XRN2: variants seen among roughly 807,000 people sequenced by gnomAD.
XRN2 encodes the protein 5'-3' exoribonuclease 2, also known as DHM1-like protein.
A neutral mutation model predicts 138.5 loss-of-function variants in XRN2; 44 were observed. The ratio of observed to expected loss-of-function variants is 0.32; its 90% confidence interval spans 0.25 to 0.41. XRN2 has a LOEUF of 0.41. Among genes scored for constraint, XRN2 ranks in the 10% least tolerant of loss-of-function variants. The pLI is 1.00. For synonymous variants in XRN2, 354 were observed against 369.4 expected (o/e 0.96, Z 0.48); for missense variants, 937 against 1,169.3 (o/e 0.80, Z 2.90).
intron 1 of XRN2, among the ~76,000 whole-genome samples, chr20:21,313,674 T>A (rs1375293025): frequency 6.6e-6 from 1 of 152,234 alleles, no homozygotes; most frequent in East Asian, 1.9e-4. Flanking sequence ...TGTTTTTGAG[T>A]CTAACTCTTG....
In XRN2 at chr20:21,386,903, G is replaced by A. The variant is rs771948880; in HGVS notation, c.2684G>A (p.Arg895Gln). ...GCTGAACCTCTGCTCCCATGGAACC[G>A]GATGCTGCAAACCCAGAATGCAGCC... is the stretch of plus-strand genomic sequence containing the variant. The part of the protein sequence containing the change: ...VGAEPLLPWN[R>Q]MLQTQNAAFQ... The change falls in exon 29 of 30, where the codon CGG (arginine) becomes CAG (glutamine). Residue 895 changes from arginine (R) to glutamine (Q), a missense_variant. Coordinates refer to ENST00000377191, the MANE Select transcript of XRN2 (RefSeq NM_012255.5). 10 of 1,613,774 alleles carry A rather than the reference G, an allele frequency of 6.2e-6. No homozygotes were observed. The Admixed American group carries it at 1.2e-4, about 19-fold the overall frequency.
chr20:21,311,594 C>A (rs1355899852), intron 1 of XRN2, among the ~76,000 whole-genome samples: 1 of 152,168 alleles, frequency 6.6e-6, no homozygotes, highest in Non-Finnish European at 1.5e-5. Context: ...TGAGTGGAAT[C>A]ATTGGATCAT....
intron 15 of XRN2, among the ~76,000 whole-genome samples, chr20:21,341,203 G>A (rs183304236): frequency 1.7e-4 from 26 of 152,302 alleles, no homozygotes; most frequent in Middle Eastern, 3.4e-3. Flanking sequence ...AAAGAATAGG[G>A]TGGTGAATGG....
intron 24 of XRN2, among the ~76,000 whole-genome samples, chr20:21,359,186 G>A (rs1450100844): frequency 6.6e-6 from 1 of 152,118 alleles, no homozygotes; most frequent in Non-Finnish European, 1.5e-5. Context: ...TTGTTTCTGA[G>A]CCTAAAGGGG....
intron 9 of XRN2, among the ~76,000 whole-genome samples, chr20:21,332,671 T>C (rs1041923361): frequency 5.9e-5 from 9 of 152,200 alleles, no homozygotes; most frequent in African/African-American, 2.2e-4. Flanking sequence ...TTTTTCTTTT[T>C]TTTTTCTTTT....
In XRN2 at chr20:21,340,033, TAGTC is replaced by T. The variant is rs371503367; in HGVS notation, c.1279-685_1279-682del. Among the ~76,000 whole-genome samples the T allele has an allele frequency of 2.6e-4, 40 of 152,332 alleles. No individual in the cohort carries two copies. In the East Asian group the frequency reaches 6.9e-3, roughly 26 times the overall value. ...TATATTATTATTTTTGTCAGTATCT[TAGTC>T]AGCCAAGACTATCACCTATGTTAGC... On this transcript the variant is annotated intron_variant, in intron 14 of 29. Coordinates refer to ENST00000377191, the MANE Select transcript of XRN2 (RefSeq NM_012255.5).
At chr20:21,328,538 G>T (rs1344593052) in intron 3 of XRN2, 21 bp from the exon 4 acceptor site, 3 of 1,603,002 alleles carry the variant, frequency 1.9e-6, no homozygotes, top group Non-Finnish European at 2.6e-6. Flanking sequence ...GAGTGTTATG[G>T]AATATGAAAT....
chr20:21,330,361 G>C, intron 4 of XRN2, 120 bp from the exon 5 acceptor site: 5 of 861,494 alleles, frequency 5.8e-6, no homozygotes, highest in Non-Finnish European at 8.7e-6. Flanking sequence ...ATTTTTCCTC[G>C]GATGACGAGA....
intron 27 of XRN2, among the ~76,000 whole-genome samples, chr20:21,375,437 A>G (rs1216042383): frequency 6.6e-6 from 1 of 152,028 alleles, no homozygotes; most frequent in Non-Finnish European, 1.5e-5. Flanking sequence ...TATGCACTTC[A>G]GTGTTACAGA....
At chr20:21,382,112 G>T (rs1391080379) in intron 28 of XRN2, 55 bp downstream of exon 28, 15 of 1,461,954 alleles carry the variant, frequency 1.0e-5, no homozygotes, top group South Asian at 1.3e-5. Context: ...AACATTTGGG[G>T]TTTATGGTTT....
intron 23 of XRN2, 126 bp downstream of exon 23, chr20:21,356,791 C>T (rs1203024018): frequency 1.2e-6 from 1 of 847,208 alleles, no homozygotes; most frequent in East Asian, 2.8e-5. Context: ...AAGACAAAAC[C>T]TTGCTGACTG....
intron 19 of XRN2, among the ~76,000 whole-genome samples, chr20:21,348,669 G>A (rs1029503788): frequency 3.9e-5 from 6 of 152,138 alleles, no homozygotes; most frequent in African/African-American, 7.2e-5. Flanking sequence ...TTTGTAAGAC[G>A]GAGTCTTGCA....
chr20:21,311,843 A>G (rs755060517), intron 1 of XRN2, among the ~76,000 whole-genome samples: 3 of 152,058 alleles, frequency 2.0e-5, no homozygotes, highest in Non-Finnish European at 4.4e-5. Flanking sequence ...TAACAAAAAA[A>G]AATTAGCTGG....
intron 20 of XRN2, among the ~76,000 whole-genome samples, chr20:21,353,246 ATATATATATATATATATATC>A (rs1212381282): frequency 1.8e-4 from 3 of 16,334 alleles, no homozygotes; most frequent in Non-Finnish European, 3.2e-4. Flanking sequence ...ATATATATAT[ATATATATATATATATATATC>A]TCTTAAATGT....
intron 27 of XRN2, among the ~76,000 whole-genome samples, chr20:21,374,711 G>C (rs1197327485): frequency 6.6e-6 from 1 of 151,984 alleles, no homozygotes; most frequent in African/African-American, 2.4e-5. Context: ...TCAGTGTATG[G>C]TGGGATTTTT....
intron 24 of XRN2, among the ~76,000 whole-genome samples, chr20:21,363,220 C>T (rs1203350263): frequency 6.6e-6 from 1 of 152,178 alleles, no homozygotes; most frequent in Non-Finnish European, 1.5e-5. Flanking sequence ...TTTCCACTTT[C>T]TTCCTTATTT....
At chr20:21,318,270 G>C (rs2037987496) in intron 1 of XRN2, among the ~76,000 whole-genome samples, 1 of 152,004 alleles carries the variant, frequency 6.6e-6, no homozygotes, top group South Asian at 2.1e-4. Context: ...GTAATGTCCT[G>C]TCTCTCGTCT....
chr20:21,321,708 T>G (rs2038049117), intron 1 of XRN2, among the ~76,000 whole-genome samples: 1 of 152,220 alleles, frequency 6.6e-6, no homozygotes, highest in Non-Finnish European at 1.5e-5. Flanking sequence ...TCTAAAATTT[T>G]TACAGGTTTT....
intron 1 of XRN2, among the ~76,000 whole-genome samples, chr20:21,320,279 G>GTATTTATTTATGTATGTATT (rs1555783270): frequency 1.1e-5 from 1 of 88,626 alleles, no homozygotes; most frequent in African/African-American, 3.8e-5. Flanking sequence ...ATTTATTTAT[G>GTATTTATTTATGTATGTATT]TATTTATTTA....
Sources: gnomAD v4.1 joint callset for allele counts (sites outside exome capture counted in the v4.1 genomes callset) on GRCh38, gnomAD v4.1.1 for gene constraint, MANE v1.5 for transcripts, NCBI Gene and HGNC (gene_info 2026-07-23, HGNC 2026-07-21) for gene names.